The following CLK1 variants were observed in gnomAD, a reference collection of about 807,000 sequenced individuals.
CLK1 encodes the protein CDC like kinase 1.
A neutral mutation model predicts 60.9 loss-of-function variants in CLK1; 40 were observed. That is an observed-to-expected ratio of 0.66 (90% CI 0.51 to 0.86). The LOEUF (loss-of-function observed/expected upper bound fraction) is 0.86. CLK1 is among the 40% of genes least tolerant of loss of function. The probability of loss-of-function intolerance (pLI) is 0.00; values close to 1 mark genes in which losing one functional copy is unlikely to be tolerated. For missense variants in CLK1, 563 were observed against 606.1 expected (o/e 0.93, Z 0.75); for synonymous variants, 203 against 184.4 (o/e 1.10, Z -0.82).
chr2:200,861,349 A>G lies in CLK1; in HGVS notation c.279T>C (p.His93=). The stretch of plus-strand genomic sequence containing the variant: ...TACTATGGTTCTGATACCGGCTTTC[A>G]TGGTCTCTTTGGCGATGTCCAGGTT... ...GCEPGHRQRD[H]ESRYQNHSSK... Residue 93 remains histidine, a synonymous_variant, in exon 3 of 13, where the codon CAT becomes CAC. Transcript: ENST00000321356. 3 of 1,614,134 alleles carry G rather than the reference A, an allele frequency of 1.9e-6. No homozygotes were observed. Among genetic ancestry groups the G allele is most frequent in the South Asian group, 2.2e-5 (2 of 91,088 alleles).
intron 1 of CLK1, 32 bp downstream of exon 1, chr2:200,864,532 T>C (rs1575084031): frequency 2.6e-6 from 1 of 381,522 alleles, no homozygotes; most frequent in South Asian, 3.7e-5. Context: ...GGAACGGCCC[T>C]GTCACCTAGT....
intron 11 of CLK1, 177 bp from the exon 12 acceptor site, chr2:200,854,170 T>C (rs1326749492): frequency 1.0e-5 from 5 of 493,388 alleles, no homozygotes; most frequent in Non-Finnish European, 1.4e-5. Flanking sequence ...TGAAAAAATA[T>C]TAGTTTGACT....
rs1211982064 is a variant in CLK1 at position 200,859,724 on chromosome 2, A to G, written c.504T>C (p.Gly168=). ...CCACAACTTTTCCAAAAGCTCCTTC[A>G]CCTAAAGTATCAACAATTTCATCTA... The part of the protein sequence containing the change: ...SARYEIVDTL[G]EGAFGKVVEC... Residue 168 remains glycine (G), a synonymous_variant, in exon 5 of 13, where the codon GGT becomes GGC. Coordinates refer to ENST00000321356, the MANE Select transcript of CLK1 (RefSeq NM_004071.4). 6.2e-7 allele frequency: 1 copy of G among 1,613,760 alleles called. No individual in the cohort carries two copies. Among genetic ancestry groups the G allele is most frequent in the Admixed American group, 1.7e-5 (1 of 59,920 alleles).
intron 10 of CLK1, 35 bp from the exon 11 acceptor site, chr2:200,854,730 G>A (rs201819229): frequency 2.6e-4 from 379 of 1,441,436 alleles, no homozygotes; most frequent in Non-Finnish European, 3.4e-4. Flanking sequence ...TGGGGAAGAT[G>A]ACCACCAAAA....
At chr2:200,858,831 A>AACAAAC (rs2039086993) in intron 5 of CLK1, among the ~76,000 whole-genome samples, 1 of 124,726 alleles carries the variant, frequency 8.0e-6, no homozygotes, top group Non-Finnish European at 1.7e-5. Context: ...CAACAACAAC[A>AACAAAC]AACAGGGAAC....
At chr2:200,853,755 G>A (rs1220131407) in intron 12 of CLK1, 148 bp downstream of exon 12, 2 of 481,774 alleles carry the variant, frequency 4.2e-6, no homozygotes, top group Non-Finnish European at 7.1e-6. Context: ...GCTGAGACCT[G>A]CTTGAGCCTA....
intron 3 of CLK1, 142 bp from the exon 4 acceptor site, chr2:200,860,357 G>A (rs1444853804): frequency 1.4e-6 from 2 of 1,438,114 alleles, no homozygotes; most frequent in South Asian, 1.5e-5. Context: ...GTTGGCAGGA[G>A]CAATTTCAAA....
chr2:200,864,327 C>A, intron 1 of CLK1: 4 of 1,414,204 alleles, frequency 2.8e-6, no homozygotes, highest in Non-Finnish European at 3.7e-6. Flanking sequence ...TCCAAGAGGG[C>A]GGCCGGCCTA....
intron 11 of CLK1, among the ~76,000 whole-genome samples, 153 bp downstream of exon 11, chr2:200,854,463 G>A (rs1575075047): frequency 6.6e-6 from 1 of 151,836 alleles, no homozygotes; most frequent in African/African-American, 2.4e-5. Flanking sequence ...GTGAACCCAG[G>A]AGGGAGAGCT....
chr2:200,858,114 T>A, intron 5 of CLK1, 25 bp from the exon 6 acceptor site: 1 of 1,418,420 alleles, frequency 7.1e-7, no homozygotes, highest in Non-Finnish European at 1.0e-6. Flanking sequence ...CATGCAAATT[T>A]AAGAATGACA....
At position 200,864,451 on chromosome 2, in the gene CLK1, G is replaced by A. The variant is rs1054276545; in HGVS notation, c.-1+113C>T. 5.8e-5 allele frequency: 31 copies of A among 536,078 alleles called. No homozygotes were observed. In the South Asian group the frequency reaches 8.9e-4, roughly 15 times the overall value. 33.2% of individuals were successfully genotyped at this position (536,078 alleles called of 1,614,324 possible). Reference sequence around the variant, plus strand: ...CTGGGAGTGAAGGGAGCAGGCAGTCGTCGCGCCGGGGACGGCGGGCAGCAA... The same window carrying A: ...CTGGGAGTGAAGGGAGCAGGCAGTCATCGCGCCGGGGACGGCGGGCAGCAA... On this transcript the variant is annotated intron_variant, in intron 1 of 12. Transcript: ENST00000321356.
intron 4 of CLK1, 158 bp downstream of exon 4, chr2:200,859,967 A>C: frequency 7.0e-7 from 1 of 1,434,900 alleles, no homozygotes; most frequent in South Asian, 1.6e-5. Flanking sequence ...ACATTTCTAA[A>C]GAAAGCAAAA....
At chr2:200,857,149 T>A (rs183644147) in intron 7 of CLK1, 164 bp from the exon 8 acceptor site, 2 of 609,690 alleles carry the variant, frequency 3.3e-6, no homozygotes, top group East Asian at 5.7e-5. Flanking sequence ...CTACCAAAAT[T>A]ACAAAAATTG....
At position 200,857,717 on chromosome 2, in the gene CLK1, C is replaced by A. The variant is rs1182139759; in HGVS notation, c.832+1G>T. ...TTAACGAAGATATACCAAGAACTTA[C>A]AATTCACAGACTTGCATATCTGATA... On this transcript the variant is annotated splice_donor_variant, in intron 7 of 12. Coordinates refer to ENST00000321356, the MANE Select transcript of CLK1 (RefSeq NM_004071.4). LOFTEE classifies it high-confidence loss of function. 1 of 1,581,942 alleles carries A rather than the reference C, an allele frequency of 6.3e-7. No homozygotes were observed. Among genetic ancestry groups the A allele is most frequent in the Non-Finnish European group, 8.6e-7 (1 of 1,163,680 alleles).
At chr2:200,854,967 G>A in intron 10 of CLK1, 37 bp downstream of exon 10, 7 of 1,512,852 alleles carry the variant, frequency 4.6e-6, no homozygotes, top group Non-Finnish European at 6.4e-6. Context: ...CACCTTTCTT[G>A]TGCAAAGCAA....
At chr2:200,857,041 C>A in intron 7 of CLK1, 56 bp from the exon 8 acceptor site, 7 of 1,397,442 alleles carry the variant, frequency 5.0e-6, no homozygotes, top group Non-Finnish European at 2.0e-6. Context: ...AACCAAATCA[C>A]AAAACCCCAC....
chr2:200,857,664 GAT>G (rs1384178810), intron 7 of CLK1, 52 bp downstream of exon 7: 33 of 1,434,034 alleles, frequency 2.3e-5, no homozygotes, highest in Admixed American at 4.6e-5. Flanking sequence ...TGCACATTTT[GAT>G]ATGTGGAATG....
intron 11 of CLK1, 189 bp from the exon 12 acceptor site, chr2:200,854,182 C>T: frequency 2.1e-6 from 1 of 478,176 alleles, no homozygotes; most frequent in Non-Finnish European, 3.7e-6. Context: ...AGTTTGACTT[C>T]ATTATTTATA....
Position 200,858,048 on chromosome 2 carries a change from T to C in CLK1, c.590A>G (p.Asp197Gly), listed in dbSNP as rs759967584. The C allele has an allele frequency of 5.6e-6, 9 of 1,613,886 alleles. No homozygotes were observed. The African/African-American group carries it at 6.7e-5, about 12-fold the overall frequency. Residue 197 changes from aspartate (D) to glycine (G), a missense_variant, in exon 6 of 13, where the codon GAT becomes GGT. By Grantham distance (94) the Asp-to-Gly change is moderately conservative. This residue lies in a region of CLK1 where 360 missense variants were observed against 407.0 expected (regional missense o/e 0.88). Coordinates refer to ENST00000321356, the MANE Select transcript of CLK1 (RefSeq NM_004071.4). ...TGAGCGAGCAGCTTCACAGTATCTA[T>C]CCACATTTTTAACTATTTTTACTGC... Reference protein sequence around the residue: ...HVAVKIVKNVDRYCEAARSEI... With the variant: ...HVAVKIVKNVGRYCEAARSEI...
Sources: allele counts gnomAD v4.1 joint callset (sites outside exome capture counted in the v4.1 genomes callset), GRCh38; gene constraint gnomAD v4.1.1; regional missense constraint gnomAD v4.1.1; transcripts MANE v1.5; gene names NCBI Gene and HGNC (gene_info 2026-07-23, HGNC 2026-07-21).